The following B3GALNT2 variants were observed in gnomAD, a reference collection of about 807,000 sequenced individuals.
The protein encoded by B3GALNT2 is beta-1,3-N-acetylgalactosaminyltransferase 2.
B3GALNT2 carries 53 observed loss-of-function variants against 61.1 expected under a neutral mutation model. The ratio of observed to expected loss-of-function variants is 0.87; its 90% confidence interval spans 0.70 to 1.09. The LOEUF is 1.09. Ranked by LOEUF, B3GALNT2 falls within the 50% of genes least tolerant of loss-of-function variation. The pLI is 0.00. For synonymous variants in B3GALNT2, 223 were observed against 237.4 expected (o/e 0.94, Z 0.56); for missense variants, 544 against 623.0 (o/e 0.87, Z 1.35).
Position 235,447,996 on chromosome 1 carries a change from G to A in B3GALNT2, c.*2210C>T, listed in dbSNP as rs1271560878. Among the ~76,000 whole-genome samples, 1 of 152,026 alleles carries A rather than the reference G, an allele frequency of 6.6e-6. No individual in the cohort carries two copies. Among genetic ancestry groups the A allele is most frequent in the Non-Finnish European group, 1.5e-5 (1 of 67,990 alleles). ...GGGGCCAGGGCGGGCGGATCACGAG[G>A]TCAGGAGTTCAAGACCAGCCTGGCC... On this transcript the variant is annotated 3_prime_UTR_variant, in exon 12 of 12. Coordinates refer to ENST00000366600, the MANE Select transcript of B3GALNT2 (RefSeq NM_152490.5).
intron 6 of B3GALNT2, among the ~76,000 whole-genome samples, chr1:235,467,644 T>C (rs1683772369): frequency 6.6e-6 from 1 of 151,394 alleles, no homozygotes; most frequent in Non-Finnish European, 1.5e-5. Flanking sequence ...CACACCTGGC[T>C]AATTTTTGTA....
At chr1:235,482,000 T>C (rs1160454155) in intron 4 of B3GALNT2, among the ~76,000 whole-genome samples, 7 of 152,344 alleles carry the variant, frequency 4.6e-5, no homozygotes, top group African/African-American at 1.7e-4. Flanking sequence ...GTGTATTTAT[T>C]GATGAGTCTC....
intron 2 of B3GALNT2, among the ~76,000 whole-genome samples, chr1:235,491,406 TTA>T (rs1489818078): frequency 6.6e-6 from 1 of 152,176 alleles, no homozygotes; most frequent in Non-Finnish European, 1.5e-5. Flanking sequence ...TGTATATACT[TTA>T]TGTCAATAAA....
intron 3 of B3GALNT2, among the ~76,000 whole-genome samples, 160 bp downstream of exon 3, chr1:235,489,008 C>T (rs180876975): frequency 5.3e-4 from 81 of 152,232 alleles, no homozygotes; most frequent in Non-Finnish European, 1.0e-3. Context: ...CATGACTATG[C>T]CACTGCACGC....
At chr1:235,454,036 G>C (rs1683052204) in intron 10 of B3GALNT2, 120 bp downstream of exon 10, 1 of 880,830 alleles carries the variant, frequency 1.1e-6, no homozygotes, top group Admixed American at 3.2e-5. Context: ...ATGGGGTCTT[G>C]CTATGTTACC....
chr1:235,477,100 T>C (rs193044978), intron 5 of B3GALNT2, among the ~76,000 whole-genome samples: 88 of 152,268 alleles, frequency 5.8e-4, no homozygotes, highest in African/African-American at 2.1e-3. Flanking sequence ...CTCACTATTT[T>C]GGCTGAGTAC....
At chr1:235,493,313 G>T (rs1482829569) in intron 2 of B3GALNT2, among the ~76,000 whole-genome samples, 3 of 152,210 alleles carry the variant, frequency 2.0e-5, no homozygotes, top group African/African-American at 4.8e-5. Context: ...TTCTAACAGG[G>T]AAATACTACA....
chr1:235,465,530 A>G lies in B3GALNT2; in HGVS notation c.841+106T>C, dbSNP rs937503309. On this transcript the variant is annotated intron_variant, in intron 7 of 11. Transcript: ENST00000366600. Reference sequence around the variant, plus strand: ...CTTTAAAAGGGTGAATTTTATCTGAATAAAGTTTTTTAAAAGACAAAAAAG... The same window carrying G: ...CTTTAAAAGGGTGAATTTTATCTGAGTAAAGTTTTTTAAAAGACAAAAAAG... 9.4e-6 allele frequency: 14 copies of G among 1,493,016 alleles called. No homozygotes were observed. In the Admixed American group the frequency reaches 1.3e-4, roughly 14 times the overall value. 92.5% of individuals were successfully genotyped at this position (1,493,016 alleles called of 1,614,324 possible). A position where few individuals can be genotyped will look rare whatever the true frequency, so the allele number is the denominator to read the frequency against.
intron 3 of B3GALNT2, among the ~76,000 whole-genome samples, chr1:235,486,388 T>A (rs1572542347): frequency 6.6e-6 from 1 of 152,248 alleles, no homozygotes; most frequent in East Asian, 1.9e-4. Context: ...GAAACCTCTT[T>A]ATTAAAAGCA....
intron 9 of B3GALNT2, among the ~76,000 whole-genome samples, 166 bp from the exon 10 acceptor site, chr1:235,454,481 C>T (rs1424377485): frequency 5.3e-5 from 8 of 152,100 alleles, no homozygotes; most frequent in Non-Finnish European, 5.9e-5. Flanking sequence ...TCTTGTTGCT[C>T]AGGCTGGAGT....
chr1:235,484,746 ACTG>A (rs1222582806), intron 3 of B3GALNT2: 1 of 687,846 alleles, frequency 1.5e-6, no homozygotes, highest in Admixed American at 3.6e-5. Context: ...AATTATCAGA[ACTG>A]CTTTAATAGC....
chr1:235,462,793 G>T (rs984568362), intron 7 of B3GALNT2, among the ~76,000 whole-genome samples: 2 of 152,228 alleles, frequency 1.3e-5, no homozygotes, highest in African/African-American at 4.8e-5. Context: ...TGCAATCCCT[G>T]ATGGGAATGT....
intron 7 of B3GALNT2, chr1:235,465,238 GA>G (rs1683630816): frequency 6.3e-6 from 1 of 157,658 alleles, no homozygotes; most frequent in African/African-American, 2.4e-5. Context: ...TCATAAAAAA[GA>G]AGTACTGATA....
the B3GALNT2 span, among the ~76,000 whole-genome samples, chr1:235,440,072 G>A: frequency 3.3e-5 from 5 of 151,984 alleles, no homozygotes; most frequent in Admixed American, 6.5e-5. Flanking sequence ...CCGGGTTCAC[G>A]CCATTCTCCT....
downstream of B3GALNT2, among the ~76,000 whole-genome samples, chr1:235,446,511 A>G (rs1031799535): frequency 2.0e-5 from 3 of 152,142 alleles, no homozygotes; most frequent in African/African-American, 7.2e-5. Flanking sequence ...ACACAGAAAA[A>G]AAAAGGCCTA....
intron 7 of B3GALNT2, chr1:235,464,793 T>A (rs764794941): frequency 2.0e-5 from 3 of 151,948 alleles, no homozygotes; most frequent in South Asian, 2.1e-4. Flanking sequence ...AAGGAAGATA[T>A]ACAAATGGCC....
chr1:235,504,215 A>G lies in B3GALNT2; in HGVS notation c.38T>C (p.Leu13Pro). The G allele has an allele frequency of 6.8e-7, 1 of 1,460,976 alleles. No individual in the cohort carries two copies. The highest frequency in any genetic ancestry group is 1.3e-5 in the South Asian group (1 of 77,142). The allele number at this position is 1,460,976 out of a possible 1,614,324, so 90.5% of individuals were successfully genotyped here. Residue 13 changes from leucine to proline, a missense_variant, in exon 1 of 12, where the codon CTC becomes CCC. By Grantham distance (98) the Leu-to-Pro change is moderately conservative. Coordinates refer to ENST00000366600, the MANE Select transcript of B3GALNT2 (RefSeq NM_152490.5). ...NWLVLLCPCV[L>P]GAALHLWLRL... is the part of the protein sequence containing the mutation. Reference sequence around the variant, plus strand: ...CAGCCAGAGGTGCAGCGCGGCCCCGAGCACACACGGGCACAGCAGCACCAG... The same window carrying G: ...CAGCCAGAGGTGCAGCGCGGCCCCGGGCACACACGGGCACAGCAGCACCAG...
intron 4 of B3GALNT2, among the ~76,000 whole-genome samples, chr1:235,481,685 T>A (rs941784085): frequency 6.6e-6 from 1 of 151,984 alleles, no homozygotes; most frequent in African/African-American, 2.4e-5. Context: ...GATAAACAAG[T>A]GTATCAAAAA....
intron 8 of B3GALNT2, among the ~76,000 whole-genome samples, chr1:235,457,373 TA>T (rs1429313703): frequency 1.3e-5 from 2 of 152,116 alleles, no homozygotes; most frequent in East Asian, 3.8e-4. Context: ...AGGTTTGGCC[TA>T]ATCAGAGATA....
Sources: allele counts gnomAD v4.1 joint callset (sites outside exome capture counted in the v4.1 genomes callset), GRCh38; gene constraint gnomAD v4.1.1; transcripts MANE v1.5; gene names NCBI Gene and HGNC (gene_info 2026-07-23, HGNC 2026-07-21).